Variants in LPAR1 observed in about 807,000 individuals in gnomAD.
LPAR1 encodes lysophosphatidic acid receptor 1.
LPAR1 carries 5 observed loss-of-function variants against 23.8 expected under a neutral mutation model. That is an observed-to-expected ratio of 0.21 (90% CI 0.11 to 0.44). The LOEUF (loss-of-function observed/expected upper bound fraction) is 0.44, where lower values mean the gene tolerates loss of function less well. Among genes scored for constraint, LPAR1 ranks in the 20% least tolerant of loss-of-function variants. The probability of loss-of-function intolerance (pLI) is 0.99; values close to 1 mark genes in which losing one functional copy is unlikely to be tolerated. For synonymous variants in LPAR1, 160 were observed against 164.7 expected (o/e 0.97, Z 0.22); for missense variants, 311 against 482.8 (o/e 0.64, Z 3.33).
At chr9:111,021,992 C>T (rs1400386657) in intron 2 of LPAR1, among the ~76,000 whole-genome samples, 2 of 141,968 alleles carry the variant, frequency 1.4e-5, no homozygotes, top group Non-Finnish European at 3.0e-5. Flanking sequence ...AAAAAAAAGT[C>T]TCAAGAGAAT....
chr9:110,980,833 A>C (rs1396857381), intron 2 of LPAR1, among the ~76,000 whole-genome samples: 2 of 152,052 alleles, frequency 1.3e-5, no homozygotes, highest in Non-Finnish European at 2.9e-5. Flanking sequence ...TGGATATGTT[A>C]ATTGCCTTAA....
intron 5 of LPAR1, among the ~76,000 whole-genome samples, chr9:110,935,414 TA>T (rs5899925): frequency 0.54 from 78,184 of 145,656 alleles, 21,787 homozygotes; most frequent in East Asian, 0.94. Context: ...ACTCCAGCCT[TA>T]AAAAAAAAAA....
chr9:111,038,627 C>T (rs1473811396), upstream of LPAR1: 2 of 455,342 alleles, frequency 4.4e-6, no homozygotes, highest in East Asian at 7.0e-5. This position sits in a 1 kb window ranked among gnomAD's most constrained non-coding sequence, Gnocchi z 4.4. Flanking sequence ...GTCCGCCCTC[C>T]CCGCTCCCAA....
In LPAR1 at chr9:111,003,655, C is replaced by T. The variant is rs952875000; in HGVS notation, c.-181-30097G>A. On this transcript the variant is annotated intron_variant, in intron 2 of 5. Coordinates refer to ENST00000683809, the MANE Select transcript of LPAR1 (RefSeq NM_001351411.2). ...GGGACTAAAAAGTGGTGGCTGCAATCACAGAAAGGGCAGTCACCCATGAGC... is the reference window on the plus strand; with the variant it reads ...GGGACTAAAAAGTGGTGGCTGCAATTACAGAAAGGGCAGTCACCCATGAGC... Among the ~76,000 whole-genome samples the T allele has an allele frequency of 3.9e-5, 6 of 152,152 alleles. 1 individual carries two copies. The South Asian group carries it at 1.2e-3, about 32-fold the overall frequency.
chr9:110,938,684 T>C (rs1458503483), intron 5 of LPAR1, among the ~76,000 whole-genome samples: 2 of 143,732 alleles, frequency 1.4e-5, no homozygotes, highest in African/African-American at 5.2e-5. Context: ...CAAAACCCCA[T>C]CTCTACAAAA....
chr9:111,025,646 C>A (rs534152486), intron 2 of LPAR1, among the ~76,000 whole-genome samples: 1 of 152,188 alleles, frequency 6.6e-6, no homozygotes, highest in East Asian at 1.9e-4. Context: ...AATGGTATTG[C>A]TTGGGTTTTC....
At chr9:110,949,951 A>T (rs1588490618) in intron 4 of LPAR1, among the ~76,000 whole-genome samples, 1 of 152,220 alleles carries the variant, frequency 6.6e-6, no homozygotes, top group East Asian at 1.9e-4. Flanking sequence ...AAAGCCAATG[A>T]TCATCTCAAA....
intron 4 of LPAR1, among the ~76,000 whole-genome samples, chr9:110,946,679 T>TACAC (rs58390932): frequency 3.3e-5 from 5 of 150,640 alleles, no homozygotes; most frequent in African/African-American, 9.8e-5. Context: ...AAAAAATAAA[T>TACAC]ACACACACAC....
intron 5 of LPAR1, among the ~76,000 whole-genome samples, chr9:110,914,504 C>T (rs1277076012): frequency 3.9e-5 from 6 of 152,158 alleles, no homozygotes; most frequent in Non-Finnish European, 7.3e-5. Context: ...CCCACCAGGT[C>T]CCTCCCACAA....
At position 110,873,931 on chromosome 9, in the gene LPAR1, T is replaced by G. The variant is rs1479590002; in HGVS notation, c.*1490A>C. 6.6e-6 allele frequency: 1 copy of G among 152,590 alleles called. No homozygotes were observed. The highest frequency in any genetic ancestry group is 1.5e-5 in the Non-Finnish European group (1 of 68,042). The allele number at this position is 152,590 out of a possible 1,614,324, so 9.5% of individuals were successfully genotyped here. The stretch of plus-strand genomic sequence containing the variant: ...TGGGGTACCTTGATTCTTGAGACAG[T>G]TGAATTCTTCTAGTTGATCTTGTTG... On this transcript the variant is annotated 3_prime_UTR_variant, in exon 6 of 6. Transcript: ENST00000683809.
At chr9:110,948,826 C>T (rs562816086) in intron 4 of LPAR1, among the ~76,000 whole-genome samples, 1 of 151,790 alleles carries the variant, frequency 6.6e-6, no homozygotes, top group African/African-American at 2.4e-5. Flanking sequence ...AGCCCTTGGG[C>T]TTGACTGAGG....
chr9:110,953,403 C>T (rs1221271626), intron 4 of LPAR1, among the ~76,000 whole-genome samples: 1 of 152,184 alleles, frequency 6.6e-6, no homozygotes, highest in Non-Finnish European at 1.5e-5. Context: ...GTGGCTCATG[C>T]CTGTAATCCC....
chr9:110,898,515 T>C (rs1419645914), intron 5 of LPAR1, among the ~76,000 whole-genome samples: 1 of 152,142 alleles, frequency 6.6e-6, no homozygotes, highest in Non-Finnish European at 1.5e-5. Flanking sequence ...AAGAACGCTA[T>C]ATTTAGAGTG....
chr9:110,945,916 A>G (rs2095361162), intron 4 of LPAR1, among the ~76,000 whole-genome samples: 1 of 152,146 alleles, frequency 6.6e-6, no homozygotes, highest in Admixed American at 6.5e-5. Context: ...CCACCCAAAA[A>G]TCTAGGAGAA....
intron 2 of LPAR1, among the ~76,000 whole-genome samples, chr9:110,991,964 T>C (rs955425394): frequency 2.0e-5 from 3 of 150,378 alleles, no homozygotes; most frequent in African/African-American, 7.4e-5. Flanking sequence ...GTAAGACTTC[T>C]GGATAAAACT....
At chr9:110,943,685 C>G (rs1456962943) in intron 4 of LPAR1, among the ~76,000 whole-genome samples, 1 of 151,894 alleles carries the variant, frequency 6.6e-6, no homozygotes, top group Admixed American at 6.6e-5. Context: ...CATGGTGAAA[C>G]CCCCTCTCTA....
At chr9:110,924,379 A>G (rs1178792821) in intron 5 of LPAR1, among the ~76,000 whole-genome samples, 12 of 152,202 alleles carry the variant, frequency 7.9e-5, no homozygotes, top group Admixed American at 7.2e-4. Flanking sequence ...TAAAGAATCT[A>G]TAAAGTGGTA....
At chr9:110,950,073 T>C (rs986855149) in intron 4 of LPAR1, among the ~76,000 whole-genome samples, 4 of 152,166 alleles carry the variant, frequency 2.6e-5, no homozygotes, top group Admixed American at 6.5e-5. Context: ...CTATCAAACA[T>C]GTACACTAAT....
chr9:111,023,077 AC>A (rs1257842702), intron 2 of LPAR1, among the ~76,000 whole-genome samples: 6 of 143,342 alleles, frequency 4.2e-5, no homozygotes, highest in Admixed American at 2.1e-4. Flanking sequence ...AAAAAAAAAA[AC>A]CCTGCTATTT....
Sources: allele counts gnomAD v4.1 joint callset (sites outside exome capture counted in the v4.1 genomes callset), GRCh38; gene constraint gnomAD v4.1.1; non-coding constraint Gnocchi (gnomAD v3.1); transcripts MANE v1.5; gene names NCBI Gene and HGNC (gene_info 2026-07-23, HGNC 2026-07-21).